Variants in MYT1L observed in about 807,000 individuals in gnomAD.
MYT1L encodes myelin transcription factor 1-like protein.
In MYT1L, 12 loss-of-function variants were observed where a neutral mutation model predicts 126.7. That is an observed-to-expected ratio of 0.09 (90% CI 0.06 to 0.15). MYT1L has a LOEUF of 0.15. MYT1L is among the 10% of genes least tolerant of loss of function. The pLI, the probability that MYT1L is intolerant of heterozygous loss-of-function variation, is 1.00. For synonymous variants in MYT1L, 541 were observed against 604.2 expected, an observed-to-expected ratio of 0.90 and a Z score of 1.53; for missense variants, 979 against 1,585.2, an observed-to-expected ratio of 0.62 and a Z score of 6.49.
intron 18 of MYT1L, among the ~76,000 whole-genome samples, chr2:1,863,833 G>A (rs1036194635): frequency 6.6e-6 from 1 of 152,238 alleles, no homozygotes; most frequent in Admixed American, 6.5e-5. Flanking sequence ...GGAAGTAGAT[G>A]TTATAAGGCA....
intron 18 of MYT1L, among the ~76,000 whole-genome samples, chr2:1,866,826 A>AG (rs1349306769): frequency 3.6e-5 from 1 of 27,422 alleles, no homozygotes; most frequent in African/African-American, 1.5e-4. Flanking sequence ...AGAGAGAGGG[A>AG]GGGGGAGAGA....
intron 3 of MYT1L, among the ~76,000 whole-genome samples, chr2:2,061,611 T>C (rs528861835): frequency 2.0e-4 from 30 of 152,226 alleles, no homozygotes; most frequent in African/African-American, 6.7e-4. Flanking sequence ...TGCCCTCTTC[T>C]TCCAAAGATG....
chr2:1,860,844 G>A (rs1408995099), intron 18 of MYT1L, among the ~76,000 whole-genome samples: 3 of 152,092 alleles, frequency 2.0e-5, no homozygotes, highest in African/African-American at 7.2e-5. Context: ...GGGGCTGGGA[G>A]CGGTTCTTTG....
chr2:2,111,616 G>C (rs1483136520), intron 3 of MYT1L, among the ~76,000 whole-genome samples: 1 of 152,236 alleles, frequency 6.6e-6, no homozygotes, highest in Non-Finnish European at 1.5e-5. Flanking sequence ...GAATAGGGCA[G>C]TTAGTATGAC....
intron 2 of MYT1L, among the ~76,000 whole-genome samples, chr2:2,199,865 G>A (rs2092982758): frequency 6.6e-6 from 1 of 152,164 alleles, no homozygotes; most frequent in Non-Finnish European, 1.5e-5. Context: ...CACGGAGGCA[G>A]GCAGCACGGA....
Position 2,279,560 on chromosome 2 carries a change from T to G in MYT1L, c.-421+4844A>C, listed in dbSNP as rs1185954588. 2.1e-3 allele frequency among the ~76,000 whole-genome samples: 119 copies of G among 56,920 alleles called. 1 individual carries two copies. Among genetic ancestry groups the G allele is most frequent in the African/African-American group, 7.9e-3 (113 of 14,320 alleles). 37.3% of individuals were successfully genotyped at this position (56,920 alleles called of 152,430 possible). A position where few individuals can be genotyped will look rare whatever the true frequency, so the allele number is the denominator to read the frequency against. ...AGGAGAGAGAGAAAGAGAGAAGGAA[T>G]GAATGAATGAAGGAAGGAAGGAAGG... is the stretch of plus-strand genomic sequence containing the variant. On this transcript the variant is annotated intron_variant, in intron 2 of 24. Transcript: ENST00000647738.
intron 21 of MYT1L, among the ~76,000 whole-genome samples, chr2:1,817,454 G>C (rs1427750924): frequency 6.6e-6 from 1 of 152,228 alleles, no homozygotes; most frequent in Non-Finnish European, 1.5e-5. Flanking sequence ...TGCTGGGAAT[G>C]ACAAATAATG....
intron 2 of MYT1L, among the ~76,000 whole-genome samples, chr2:2,188,779 G>A (rs951577508): frequency 6.6e-6 from 1 of 152,174 alleles, no homozygotes. Context: ...AGAAGAAGCT[G>A]TCATCTTGCT....
intron 1 of MYT1L, among the ~76,000 whole-genome samples, chr2:2,295,791 C>CAGACAG (rs1207847667): frequency 5.0e-4 from 50 of 100,368 alleles, no homozygotes; most frequent in African/African-American, 1.8e-3. Context: ...GAGAGACAGA[C>CAGACAG]AGAGAGAGAG....
At chr2:1,876,261 C>T (rs544255594) in intron 18 of MYT1L, among the ~76,000 whole-genome samples, 2 of 152,178 alleles carry the variant, frequency 1.3e-5, no homozygotes, top group Non-Finnish European at 2.9e-5. Flanking sequence ...GCAACAGACT[C>T]AGGGCGTGGG....
intron 11 of MYT1L, among the ~76,000 whole-genome samples, chr2:1,916,793 G>A (rs939755763): frequency 6.6e-6 from 1 of 152,152 alleles, no homozygotes; most frequent in African/African-American, 2.4e-5. Flanking sequence ...CCAGATATTT[G>A]GGCAAGAAAT....
At chr2:2,100,128 T>C (rs1004449718) in intron 3 of MYT1L, among the ~76,000 whole-genome samples, 9 of 152,168 alleles carry the variant, frequency 5.9e-5, no homozygotes, top group African/African-American at 2.2e-4. Flanking sequence ...TTAGGTTCAA[T>C]ATGGAGACAG....
At chr2:1,877,282 G>A (rs553755060) in intron 18 of MYT1L, among the ~76,000 whole-genome samples, 3 of 152,270 alleles carry the variant, frequency 2.0e-5, no homozygotes, top group South Asian at 2.1e-4. Flanking sequence ...ATGATGCAGC[G>A]ATTAAAAATA....
At chr2:2,108,246 C>T (rs1432650803) in intron 3 of MYT1L, among the ~76,000 whole-genome samples, 2 of 152,178 alleles carry the variant, frequency 1.3e-5, no homozygotes, top group Non-Finnish European at 2.9e-5. Flanking sequence ...CTATGCAAGG[C>T]AGAGGAACAG....
intron 3 of MYT1L, among the ~76,000 whole-genome samples, chr2:2,160,798 C>T (rs940340881): frequency 1.3e-5 from 2 of 152,102 alleles, no homozygotes; most frequent in Non-Finnish European, 2.9e-5. Flanking sequence ...CCAGCTTATT[C>T]AAGAAATAAG....
In MYT1L at chr2:1,910,193, G is replaced by C; in HGVS notation, c.1817+47C>G. On this transcript the variant is annotated intron_variant, in intron 13 of 24. Transcript: ENST00000647738. The surrounding 1 kb of genome is among the most constrained non-coding windows in gnomAD (Gnocchi z 4.8). Reference sequence around the variant, plus strand: ...GTGTCCCCAGCGCTCCGAGGTGTGGGGCAGACTATGGATAGAGCTCACGGA... The same window carrying C: ...GTGTCCCCAGCGCTCCGAGGTGTGGCGCAGACTATGGATAGAGCTCACGGA... 1 of 1,551,354 alleles carries C rather than the reference G, an allele frequency of 6.4e-7. No individual in the cohort carries two copies. Among genetic ancestry groups the C allele is most frequent in the East Asian group, 2.2e-5 (1 of 44,466 alleles).
intron 21 of MYT1L, among the ~76,000 whole-genome samples, chr2:1,837,760 T>C (rs1277475859): frequency 6.6e-6 from 1 of 152,046 alleles, no homozygotes; most frequent in East Asian, 1.9e-4. Context: ...CCTGTCCTCA[T>C]GCTGGGTTCT....
At chr2:2,241,954 C>CAT (rs1285714644) in intron 2 of MYT1L, among the ~76,000 whole-genome samples, 1 of 151,884 alleles carries the variant, frequency 6.6e-6, no homozygotes, top group Non-Finnish European at 1.5e-5. Flanking sequence ...CACACACACA[C>CAT]ATATATATAG....
intron 3 of MYT1L, among the ~76,000 whole-genome samples, chr2:2,065,165 T>C (rs1458856932): frequency 2.0e-5 from 3 of 151,854 alleles, no homozygotes; most frequent in Admixed American, 6.6e-5. Flanking sequence ...GCCACTGCAC[T>C]CCAGCCTGGG....
Sources: allele counts gnomAD v4.1 joint callset (sites outside exome capture counted in the v4.1 genomes callset), GRCh38; gene constraint gnomAD v4.1.1; non-coding constraint Gnocchi (gnomAD v3.1); transcripts MANE v1.5; gene names NCBI Gene and HGNC (gene_info 2026-07-23, HGNC 2026-07-21).